Variants in PRKCH observed in about 807,000 individuals in gnomAD.
PRKCH encodes protein kinase C eta type.
A neutral mutation model predicts 82.5 loss-of-function variants in PRKCH; 28 were observed. That is an observed-to-expected ratio of 0.34 (90% confidence interval 0.25 to 0.47). PRKCH has a LOEUF of 0.47. PRKCH is among the 20% of genes least tolerant of loss of function. The pLI is 1.00. For synonymous variants in PRKCH, 322 were observed against 327.4 expected (o/e 0.98, Z 0.18); for missense variants, 705 against 881.8 (o/e 0.80, Z 2.54).
intron 1 of PRKCH, among the ~76,000 whole-genome samples, chr14:61,291,323 C>CTTTTT (rs533117559): frequency 2.5e-4 from 24 of 96,668 alleles, no homozygotes; most frequent in Non-Finnish European, 3.0e-4. Context: ...CCCTCTGGTT[C>CTTTTT]TTTTTTTTTT....
intron 9 of PRKCH, among the ~76,000 whole-genome samples, chr14:61,461,425 C>T (rs2140300288): frequency 6.6e-6 from 1 of 152,322 alleles, no homozygotes; most frequent in South Asian, 2.1e-4. Context: ...CTCCTGAACA[C>T]CACCATGAAC....
At chr14:61,235,356 C>G (rs974727409) in intron 1 of PRKCH, among the ~76,000 whole-genome samples, 2 of 152,220 alleles carry the variant, frequency 1.3e-5, no homozygotes, top group African/African-American at 4.8e-5. Context: ...CTTCTTCAGT[C>G]AGAGAGTGGC....
chr14:61,439,318 CT>C (rs1265710160), intron 2 of PRKCH, among the ~76,000 whole-genome samples: 1 of 152,036 alleles, frequency 6.6e-6, no homozygotes, highest in Non-Finnish European at 1.5e-5. Flanking sequence ...GAGCTGTTTC[CT>C]TTTGCTCATG....
At chr14:61,258,467 G>T (rs539556871) in intron 1 of PRKCH, among the ~76,000 whole-genome samples, 1 of 152,266 alleles carries the variant, frequency 6.6e-6, no homozygotes, top group African/African-American at 2.4e-5. Flanking sequence ...ACATGATGTA[G>T]GGTATAATAG....
Position 61,530,265 on chromosome 14 carries a change from G to C in PRKCH, c.1573-142G>C, listed in dbSNP as rs536485505. The C allele has an allele frequency of 5.5e-6, 5 of 916,078 alleles. No homozygotes were observed. The African/African-American group carries it at 6.7e-5, about 12-fold the overall frequency. The allele number at this position is 916,078 out of a possible 1,614,324, so 56.7% of individuals were successfully genotyped here. On this transcript the variant is annotated intron_variant, in intron 11 of 13. Coordinates refer to ENST00000332981, the MANE Select transcript of PRKCH (RefSeq NM_006255.5). ...GGAAAACAGACCACTCTGTAGAAAT[G>C]GAATGAAATACGCTTGCTAGCACAG...
At chr14:61,439,099 TG>T (rs1359926573) in intron 2 of PRKCH, among the ~76,000 whole-genome samples, 1 of 151,440 alleles carries the variant, frequency 6.6e-6, no homozygotes, top group Admixed American at 6.6e-5. Flanking sequence ...ATGTTAGGGT[TG>T]CCTGACGTGT....
intron 1 of PRKCH, among the ~76,000 whole-genome samples, chr14:61,252,821 C>T (rs2044958067): frequency 2.0e-5 from 3 of 152,200 alleles, no homozygotes; most frequent in Non-Finnish European, 2.9e-5. Flanking sequence ...ACCTCCAAAG[C>T]CACAGATTCT....
At chr14:61,213,076 C>CCCTTGTCTCTTTGCCTGCCTG (rs1215399431) in intron 1 of PRKCH, among the ~76,000 whole-genome samples, 1 of 152,150 alleles carries the variant, frequency 6.6e-6, no homozygotes, top group African/African-American at 2.4e-5. Flanking sequence ...CAGGGACAGG[C>CCCTTGTCTCTTTGCCTGCCTG]AGGAGGGGAG....
intron 1 of PRKCH, among the ~76,000 whole-genome samples, chr14:61,386,002 G>A (rs1293724827): frequency 6.6e-6 from 1 of 152,234 alleles, no homozygotes; most frequent in Admixed American, 6.5e-5. Context: ...TTTCCAGCCA[G>A]AAAGATCACA....
chr14:61,322,355 C>G lies in PRKCH; in HGVS notation c.254C>G (p.Ala85Gly). Residue 85 changes from alanine to glycine, a missense_variant, in exon 1 of 14, where the codon GCC (alanine) becomes GGC (glycine). Transcript: ENST00000332981. The part of the protein sequence containing the change: ...NVTDGGHLEL[A>G]VFHETPLGYD... Reference sequence around the variant, plus strand: ...ACCGACGGCGGCCACCTCGAGTTGGCCGTCTTCCACGAGACGCCCCTGGGC... The same window carrying G: ...ACCGACGGCGGCCACCTCGAGTTGGGCGTCTTCCACGAGACGCCCCTGGGC... The G allele has an allele frequency of 6.2e-7, 1 of 1,613,314 alleles. No homozygotes were observed. Among genetic ancestry groups the G allele is most frequent in the Non-Finnish European group, 8.5e-7 (1 of 1,179,910 alleles).
chr14:61,387,216 G>A (rs779623166), intron 1 of PRKCH, among the ~76,000 whole-genome samples: 3 of 152,202 alleles, frequency 2.0e-5, no homozygotes, highest in Non-Finnish European at 4.4e-5. Flanking sequence ...TGCTGATACC[G>A]GGTAGGGAGT....
intron 1 of PRKCH, among the ~76,000 whole-genome samples, chr14:61,266,085 G>C (rs947540735): frequency 2.0e-5 from 3 of 151,166 alleles, no homozygotes; most frequent in South Asian, 4.2e-4. Context: ...CTTTAAGAGG[G>C]AGAAAGAGTT....
chr14:61,195,330 TATG>T (rs1483777907), intron 1 of PRKCH, among the ~76,000 whole-genome samples: 2 of 151,594 alleles, frequency 1.3e-5, no homozygotes, highest in African/African-American at 4.8e-5. Context: ...TTACCATAAT[TATG>T]ATAAGTTTTT....
rs761501507 is a variant in PRKCH, at chr14:61,280,823, A to G, written c.-19+93155A>G. 1.3e-6 allele frequency: 2 copies of G among 1,566,036 alleles called. No individual in the cohort carries two copies. The highest frequency in any genetic ancestry group is 2.4e-5 in the South Asian group (2 of 84,866). On this transcript the variant is annotated intron_variant, in intron 1 of 3. Transcript: ENST00000555185. This position sits in a 1 kb window ranked among gnomAD's most constrained non-coding sequence, Gnocchi z 5.0. ...AAGTTGGTCAGCTCGTAGTAGAGGT[A>G]CACTGGGCCCTGGAAGAGCTCGGGC...
intron 5 of PRKCH, 29 bp from the exon 6 acceptor site, chr14:61,450,813 C>A: frequency 1.2e-6 from 2 of 1,607,596 alleles, no homozygotes; most frequent in Non-Finnish European, 8.5e-7. Flanking sequence ...GACATTTTAG[C>A]TCTTGTCCCT....
chr14:61,253,002 C>G (rs1469563605), intron 1 of PRKCH, among the ~76,000 whole-genome samples: 1 of 152,146 alleles, frequency 6.6e-6, no homozygotes, highest in Non-Finnish European at 1.5e-5. Flanking sequence ...AAGCGCTGCT[C>G]GGCCTTAGCA....
chr14:61,503,549 C>A (rs1887011969), intron 10 of PRKCH, among the ~76,000 whole-genome samples: 1 of 152,110 alleles, frequency 6.6e-6, no homozygotes, highest in African/African-American at 2.4e-5. Context: ...CAGCTTATTC[C>A]TTGGGGTTTC....
intron 2 of PRKCH, among the ~76,000 whole-genome samples, chr14:61,432,067 CT>C (rs59238281): frequency 0.038 from 5,405 of 143,656 alleles, 317 homozygotes; most frequent in African/African-American, 0.12. Context: ...ATCTCTCTCT[CT>C]TTTTTTTTTT....
chr14:61,508,446 C>T (rs1302338836), intron 10 of PRKCH, among the ~76,000 whole-genome samples: 1 of 152,054 alleles, frequency 6.6e-6, no homozygotes, highest in Non-Finnish European at 1.5e-5. Context: ...AGGGTGGCTT[C>T]GTTAACAGTA....
Sources: gnomAD v4.1 joint callset for allele counts (sites outside exome capture counted in the v4.1 genomes callset) on GRCh38, gnomAD v4.1.1 for gene constraint, Gnocchi (gnomAD v3.1) non-coding constraint, MANE v1.5 for transcripts, NCBI Gene and HGNC (gene_info 2026-07-23, HGNC 2026-07-21) for gene names.